DYNC1LI1: variants seen among roughly 807,000 people sequenced by gnomAD.
DYNC1LI1 encodes cytoplasmic dynein 1 light intermediate chain 1.
In DYNC1LI1, 19 loss-of-function variants were observed where a neutral mutation model predicts 63.8. That is an observed-to-expected ratio of 0.30 (90% CI 0.21 to 0.44). DYNC1LI1 has a LOEUF of 0.44. Among genes scored for constraint, DYNC1LI1 ranks in the 20% least tolerant of loss-of-function variants. The pLI is 1.00. For missense variants in DYNC1LI1, 565 were observed against 630.2 expected, an observed-to-expected ratio of 0.90 and a Z score of 1.11; for synonymous variants, 225 against 232.3, an observed-to-expected ratio of 0.97 and a Z score of 0.28.
rs1478050321 is a variant in DYNC1LI1, at chr3:32,537,012, C to G, written c.831G>C (p.Gln277His). The change falls in exon 6 of 13, where the codon CAG becomes CAC. Residue 277 changes from glutamine (Q) to histidine (H), a missense_variant and splice_region_variant. By Grantham distance (24) the Gln-to-His change is conservative (BLOSUM62 0). Coordinates refer to ENST00000273130, the MANE Select transcript of DYNC1LI1 (RefSeq NM_016141.4). ...CAATAAATGTATTTAAAAGGATACA[C>G]TGTAAACAAAACTTCCGGATATGTG... ...IQSHIRKFCL[Q>H]YGAALIYTSV... is the part of the protein sequence containing the mutation. The G allele has an allele frequency of 2.6e-6, 4 of 1,547,996 alleles. No individual in the cohort carries two copies. Among genetic ancestry groups the G allele is most frequent in the Non-Finnish European group, 3.5e-6 (4 of 1,130,590 alleles).
chr3:32,561,866 A>AC (rs112491715), intron 2 of DYNC1LI1, among the ~76,000 whole-genome samples: 6 of 151,876 alleles, frequency 4.0e-5, no homozygotes, highest in African/African-American at 9.7e-5. Context: ...GAAAAAAAAA[A>AC]CCCGTGTTAC....
chr3:32,539,728 G>C (rs144465756), intron 5 of DYNC1LI1, among the ~76,000 whole-genome samples: 4,459 of 151,104 alleles, frequency 0.03, 233 homozygotes, highest in African/African-American at 0.1. Context: ...GTAGAGATGG[G>C]GTTTCACCAT....
At chr3:32,558,218 G>A (rs1328890674) in intron 2 of DYNC1LI1, among the ~76,000 whole-genome samples, 1 of 151,862 alleles carries the variant, frequency 6.6e-6, no homozygotes, top group Non-Finnish European at 1.5e-5. Context: ...GGGCAACAGA[G>A]CAAGACCCTG....
chr3:32,537,925 TAA>T (rs1697801601), intron 5 of DYNC1LI1, among the ~76,000 whole-genome samples: 1 of 25,530 alleles, frequency 3.9e-5, no homozygotes, highest in African/African-American at 2.1e-4. Context: ...TTTATATATA[TAA>T]TATATATATA....
At chr3:32,532,941 TTAGTC>T in intron 8 of DYNC1LI1, 40 bp downstream of exon 8, 1 of 1,512,652 alleles carries the variant, frequency 6.6e-7, no homozygotes, top group Non-Finnish European at 8.8e-7. Context: ...TCCCCTCAGG[TTAGTC>T]TAAAGTCTAA....
intron 5 of DYNC1LI1, among the ~76,000 whole-genome samples, chr3:32,539,527 G>A (rs1003087297): frequency 6.6e-6 from 1 of 151,650 alleles, no homozygotes; most frequent in African/African-American, 2.4e-5. Context: ...ACATGAAATT[G>A]ATCTATTATT....
chr3:32,546,096 G>A, intron 2 of DYNC1LI1, 131 bp from the exon 3 acceptor site: 1 of 623,296 alleles, frequency 1.6e-6, no homozygotes, highest in Non-Finnish European at 2.8e-6. Flanking sequence ...AAATATAATG[G>A]AGCAGCTACA....
chr3:32,539,926 G>A (rs1466238355), intron 5 of DYNC1LI1, among the ~76,000 whole-genome samples: 1 of 150,960 alleles, frequency 6.6e-6, no homozygotes, highest in Non-Finnish European at 1.5e-5. Context: ...GTGCAGTGGC[G>A]CAATCTCGGC....
At chr3:32,529,752 T>C (rs1575147245) in intron 10 of DYNC1LI1, 92 bp from the exon 11 acceptor site, 2 of 1,136,956 alleles carry the variant, frequency 1.8e-6, no homozygotes, top group Middle Eastern at 3.1e-4. Context: ...TTTGCAACTA[T>C]CCCCTGTTCT....
Position 32,544,865 on chromosome 3 carries a change from A to G in DYNC1LI1, c.568+11T>C. 6.4e-7 allele frequency: 1 copy of G among 1,565,886 alleles called. No homozygotes were observed. The highest frequency in any genetic ancestry group is 8.8e-7 in the Non-Finnish European group (1 of 1,137,074). On this transcript the variant is annotated intron_variant, in intron 4 of 12. Coordinates refer to ENST00000273130, the MANE Select transcript of DYNC1LI1 (RefSeq NM_016141.4). ...ATTTGAAACCTACATTACTGTTTCT[A>G]GATTACTTACACTTTTGTTCCATTT... is the stretch of plus-strand genomic sequence containing the variant.
intron 2 of DYNC1LI1, among the ~76,000 whole-genome samples, chr3:32,564,292 TGAC>T (rs1698230718): frequency 3.3e-5 from 5 of 152,344 alleles, no homozygotes; most frequent in African/African-American, 1.2e-4. Context: ...ACAGCCTAGG[TGAC>T]AGGGCAAGAC....
intron 2 of DYNC1LI1, among the ~76,000 whole-genome samples, chr3:32,547,219 G>A (rs1357584281): frequency 6.6e-6 from 1 of 152,092 alleles, no homozygotes; most frequent in African/African-American, 2.4e-5. Context: ...CTCCAGCCTG[G>A]GCAACAGAGT....
rs200459929 is a variant in DYNC1LI1 at position 32,540,701 on chromosome 3, T to A, written c.738+336A>T. Among the ~76,000 whole-genome samples the A allele has an allele frequency of 5.4e-5, 8 of 148,838 alleles. No homozygotes were observed. The East Asian group carries it at 9.8e-4, about 18-fold the overall frequency. On this transcript the variant is annotated intron_variant, in intron 5 of 12. Transcript: ENST00000273130. Reference sequence around the variant, plus strand: ...CGTCTCAAAAAAAAAAAAAAAAAAATTAATGTTGAAAAATAATTTTATAAA... The same window carrying A: ...CGTCTCAAAAAAAAAAAAAAAAAAAATAATGTTGAAAAATAATTTTATAAA...
intron 1 of DYNC1LI1, 57 bp downstream of exon 1, chr3:32,570,568 G>A (rs1363593380): frequency 1.3e-6 from 2 of 1,531,492 alleles, no homozygotes; most frequent in East Asian, 2.6e-5. Context: ...GGATCCCGAG[G>A]CGTCCGCGCA....
At chr3:32,547,366 G>A (rs980847785) in intron 2 of DYNC1LI1, among the ~76,000 whole-genome samples, 2 of 152,112 alleles carry the variant, frequency 1.3e-5, no homozygotes, top group African/African-American at 4.8e-5. Flanking sequence ...CATAGTAATA[G>A]TATTTATAGA....
chr3:32,559,656 C>T (rs1462095919), intron 2 of DYNC1LI1, among the ~76,000 whole-genome samples: 5 of 152,112 alleles, frequency 3.3e-5, no homozygotes, highest in African/African-American at 1.2e-4. Context: ...ATGATAATAG[C>T]TATCTTGAAC....
intron 5 of DYNC1LI1, 84 bp from the exon 6 acceptor site, chr3:32,537,188 G>A (rs1466416410): frequency 7.2e-5 from 51 of 708,558 alleles, no homozygotes; most frequent in Non-Finnish European, 1.0e-4. Flanking sequence ...ATTCTGGATA[G>A]GGGAACATCA....
At chr3:32,535,816 T>C (rs1559435440) in intron 6 of DYNC1LI1, among the ~76,000 whole-genome samples, 1 of 152,214 alleles carries the variant, frequency 6.6e-6, no homozygotes, top group Non-Finnish European at 1.5e-5. Flanking sequence ...TAAAATCAAC[T>C]GGCTCTAATG....
intron 2 of DYNC1LI1, among the ~76,000 whole-genome samples, chr3:32,556,048 C>T (rs991395143): frequency 2.0e-5 from 3 of 152,198 alleles, no homozygotes; most frequent in African/African-American, 7.2e-5. Context: ...ACCTTTCCTG[C>T]CCATCTCTCA....
Sources: allele counts gnomAD v4.1 joint callset (sites outside exome capture counted in the v4.1 genomes callset), GRCh38; gene constraint gnomAD v4.1.1; transcripts MANE v1.5; gene names NCBI Gene and HGNC (gene_info 2026-07-23, HGNC 2026-07-21).